Variants in SH3GL2 observed in about 807,000 individuals in gnomAD.
SH3GL2 encodes the protein endophilin-A1.
Under a neutral mutation model 46.0 loss-of-function variants are expected in SH3GL2, and 24 were observed. That is an observed-to-expected ratio of 0.52 (90% confidence interval 0.38 to 0.73). The LOEUF (loss-of-function observed/expected upper bound fraction) is 0.73. Ranked by LOEUF, SH3GL2 falls within the 30% of genes least tolerant of loss-of-function variation. The pLI, the probability that SH3GL2 is intolerant of heterozygous loss-of-function variation, is 0.00. For synonymous variants in SH3GL2, 196 were observed against 147.1 expected (o/e 1.33, Z -2.40); for missense variants, 413 against 424.2 (o/e 0.97, Z 0.23).
At chr9:17,587,897 A>T (rs993456919) in intron 1 of SH3GL2, among the ~76,000 whole-genome samples, 15 of 144,842 alleles carry the variant, frequency 1.0e-4, no homozygotes, top group African/African-American at 4.3e-4. Context: ...AAAAACAAAA[A>T]CCAAAAAAAA....
chr9:17,762,687 A>G (rs1054200822), intron 3 of SH3GL2, among the ~76,000 whole-genome samples: 1 of 152,230 alleles, frequency 6.6e-6, no homozygotes, highest in Non-Finnish European at 1.5e-5. Context: ...CCAGGAATTT[A>G]ACTGACAGTG....
Position 17,754,171 on chromosome 9 carries a change from T to G in SH3GL2, c.114+7037T>G, listed in dbSNP as rs540991689. 3.6e-4 allele frequency among the ~76,000 whole-genome samples: 55 copies of G among 152,338 alleles called. 1 individual carries two copies. Among genetic ancestry groups the G allele is most frequent in the African/African-American group, 1.1e-3 (46 of 41,588 alleles). ...TGCCTTGGCTATTCAGGCTCTTTTCTGTTTCCATATGAATTTTAAAGTACT... is the reference window on the plus strand; with the variant it reads ...TGCCTTGGCTATTCAGGCTCTTTTCGGTTTCCATATGAATTTTAAAGTACT... On this transcript the variant is annotated intron_variant, in intron 2 of 8. Coordinates refer to ENST00000380607, the MANE Select transcript of SH3GL2 (RefSeq NM_003026.5).
intron 1 of SH3GL2, among the ~76,000 whole-genome samples, chr9:17,618,956 A>G (rs917810900): frequency 2.6e-5 from 4 of 152,172 alleles, no homozygotes; most frequent in Non-Finnish European, 5.9e-5. Flanking sequence ...AGTAACGTTT[A>G]TTGATTTTTT....
chr9:17,642,957 G>C (rs1207956285), intron 1 of SH3GL2, among the ~76,000 whole-genome samples: 1 of 152,092 alleles, frequency 6.6e-6, no homozygotes, highest in Non-Finnish European at 1.5e-5. Flanking sequence ...AAATAGCATT[G>C]AATCTATAAA....
intron 1 of SH3GL2, among the ~76,000 whole-genome samples, chr9:17,596,090 G>C (rs764821330): frequency 6.6e-5 from 10 of 152,028 alleles, no homozygotes; most frequent in Admixed American, 6.6e-4. Context: ...GAGCCATCAC[G>C]GGGACTAGGA....
intron 1 of SH3GL2, among the ~76,000 whole-genome samples, chr9:17,584,895 C>G (rs934072106): frequency 6.6e-6 from 1 of 152,116 alleles, no homozygotes; most frequent in African/African-American, 2.4e-5. Flanking sequence ...GCTTTTTTCC[C>G]CATAGTGATT....
chr9:17,623,080 C>G (rs993598076), intron 1 of SH3GL2, among the ~76,000 whole-genome samples: 5 of 131,392 alleles, frequency 3.8e-5, no homozygotes, highest in African/African-American at 1.2e-4. Flanking sequence ...CCTTCCCCTT[C>G]CCCTTCCCCT....
chr9:17,725,638 C>T (rs1316917729), intron 1 of SH3GL2, among the ~76,000 whole-genome samples: 1 of 152,120 alleles, frequency 6.6e-6, no homozygotes, highest in Non-Finnish European at 1.5e-5. Context: ...TTGTAGCCTG[C>T]CTCTCTTCGT....
chr9:17,690,779 A>C (rs1261016610), intron 1 of SH3GL2, among the ~76,000 whole-genome samples: 6 of 152,078 alleles, frequency 3.9e-5, no homozygotes, highest in Admixed American at 3.9e-4. Flanking sequence ...AAGGCTGAAG[A>C]ACTCATAGTG....
chr9:17,667,359 C>T (rs1471601501), intron 1 of SH3GL2, among the ~76,000 whole-genome samples: 1 of 152,150 alleles, frequency 6.6e-6, no homozygotes, highest in Non-Finnish European at 1.5e-5. Flanking sequence ...CCCATGCCCA[C>T]TGGCACCCAC....
chr9:17,741,154 A>G (rs1822517318), intron 1 of SH3GL2, among the ~76,000 whole-genome samples: 1 of 152,186 alleles, frequency 6.6e-6, no homozygotes, highest in Non-Finnish European at 1.5e-5. Flanking sequence ...TACTTAATTT[A>G]TAGAATGTTA....
In SH3GL2 at chr9:17,713,672, A is replaced by T. The variant is rs543143336; in HGVS notation, c.46-33394A>T. Among the ~76,000 whole-genome samples, 12 of 151,706 alleles carry T rather than the reference A, an allele frequency of 7.9e-5. No homozygotes were observed. The South Asian group carries it at 2.5e-3, about 31-fold the overall frequency. On this transcript the variant is annotated intron_variant, in intron 1 of 8. Transcript: ENST00000380607. The stretch of plus-strand genomic sequence containing the variant: ...TATTTAGAAGTGCATTATTAACTTT[A>T]TAAATATTTGGAGATTTTCCAGAGA...
At chr9:17,622,964 C>G (rs78610685) in intron 1 of SH3GL2, among the ~76,000 whole-genome samples, 3,207 of 112,904 alleles carry the variant, frequency 0.028, 130 homozygotes, top group African/African-American at 0.095. Context: ...TTCCTCCCTC[C>G]CTTTTCCTTT....
chr9:17,643,400 G>T (rs1819732462), intron 1 of SH3GL2, among the ~76,000 whole-genome samples: 1 of 152,106 alleles, frequency 6.6e-6, no homozygotes, highest in African/African-American at 2.4e-5. Context: ...TTATTGCCCT[G>T]GCCAGAACTT....
chr9:17,649,941 A>G lies in SH3GL2; in HGVS notation c.45+70654A>G, dbSNP rs561425375. 7.9e-5 allele frequency among the ~76,000 whole-genome samples: 12 copies of G among 152,302 alleles called. No homozygotes were observed. In the East Asian group the frequency reaches 1.7e-3, roughly 22 times the overall value. On this transcript the variant is annotated intron_variant, in intron 1 of 8. Transcript: ENST00000380607. ...TAGTATATCTAGGTGTTCTATCTAG[A>G]AAAAAAGTATAGAATGGCTCAACTT...
At chr9:17,774,610 T>C (rs571331800) in intron 3 of SH3GL2, among the ~76,000 whole-genome samples, 1 of 152,254 alleles carries the variant, frequency 6.6e-6, no homozygotes, top group East Asian at 1.9e-4. Context: ...TTTTTGTATA[T>C]TGAACCATAT....
At chr9:17,674,369 C>T (rs189306176) in intron 1 of SH3GL2, among the ~76,000 whole-genome samples, 25 of 152,146 alleles carry the variant, frequency 1.6e-4, no homozygotes, top group African/African-American at 2.9e-4. Context: ...CGAGTTCAAG[C>T]GATTCTTTTG....
chr9:17,662,179 C>G (rs879797571), intron 1 of SH3GL2, among the ~76,000 whole-genome samples: 7 of 152,084 alleles, frequency 4.6e-5, no homozygotes, highest in Admixed American at 4.6e-4. Context: ...TTATTCAGTT[C>G]TTCTGTATCT....
At chr9:17,616,109 A>G (rs1563783168) in intron 1 of SH3GL2, among the ~76,000 whole-genome samples, 3 of 152,174 alleles carry the variant, frequency 2.0e-5, no homozygotes. Context: ...CACTTATTCT[A>G]CATCAGCCTT....
Sources: gnomAD v4.1 joint callset for allele counts (sites outside exome capture counted in the v4.1 genomes callset) on GRCh38, gnomAD v4.1.1 for gene constraint, MANE v1.5 for transcripts, NCBI Gene and HGNC (gene_info 2026-07-23, HGNC 2026-07-21) for gene names.